The following KCNQ1 variants were observed in gnomAD, a reference collection of about 807,000 sequenced individuals.
KCNQ1 encodes potassium voltage-gated channel subfamily KQT member 1.
A neutral mutation model predicts 72.4 loss-of-function variants in KCNQ1; 49 were observed. The observed-to-expected ratio is 0.68, with a 90% confidence interval of 0.54 to 0.86. The LOEUF (loss-of-function observed/expected upper bound fraction) is 0.86, where lower values mean the gene tolerates loss of function less well. Ranked by LOEUF, KCNQ1 falls within the 40% of genes least tolerant of loss-of-function variation. The pLI is 0.00. For missense variants in KCNQ1, 790 were observed against 945.1 expected (o/e 0.84, Z 2.15); for synonymous variants, 450 against 412.6 (o/e 1.09, Z -1.10).
rs1332846178 is a variant in KCNQ1 at position 2,735,983 on chromosome 11, C to G, written c.1515-32861C>G. On this transcript the variant is annotated intron_variant, in intron 11 of 15. Coordinates refer to ENST00000155840, the MANE Select transcript of KCNQ1 (RefSeq NM_000218.3). This position sits in a 1 kb window ranked among gnomAD's most constrained non-coding sequence, Gnocchi z 7.7. ...ACCCCACGCCCTTCCTCCAGTGTGT[C>G]TGGAGCCCCTTCCCTGTGTACAAAG... is the stretch of plus-strand genomic sequence containing the variant. 6.6e-6 allele frequency among the ~76,000 whole-genome samples: 1 copy of G among 152,204 alleles called. No individual in the cohort carries two copies. The highest frequency in any genetic ancestry group is 1.5e-5 in the Non-Finnish European group (1 of 68,030).
chr11:2,607,539 A>C (rs934180129), intron 10 of KCNQ1, among the ~76,000 whole-genome samples: 1 of 152,138 alleles, frequency 6.6e-6, no homozygotes, highest in Non-Finnish European at 1.5e-5. Context: ...TCATATGAGG[A>C]CACAAGAAGA....
rs185275967 is a variant in KCNQ1 at position 2,663,902 on chromosome 11, T to C, written c.1514+1821T>C. On this transcript the variant is annotated intron_variant, in intron 11 of 15. Coordinates refer to ENST00000155840, the MANE Select transcript of KCNQ1 (RefSeq NM_000218.3). This position sits in a 1 kb window ranked among gnomAD's most constrained non-coding sequence, Gnocchi z 5.2. ...GGGTGACCCCAAGCCAGTGTGGCTGTGTCATCTAGGACACTGGGCTGTTTC... is the reference window on the plus strand; with the variant it reads ...GGGTGACCCCAAGCCAGTGTGGCTGCGTCATCTAGGACACTGGGCTGTTTC... The C allele has an allele frequency of 2.5e-6, 1 of 398,714 alleles. No homozygotes were observed. Among genetic ancestry groups the C allele is most frequent in the Admixed American group, 4.4e-5 (1 of 22,744 alleles). 24.7% of individuals were successfully genotyped at this position (398,714 alleles called of 1,614,324 possible).
Position 2,599,021 on chromosome 11 carries a change from T to C in KCNQ1, c.1393+10167T>C, listed in dbSNP as rs1436423507. Reference sequence around the variant, plus strand: ...TTCTTTCTTTTAGTGTCCTTAATGTTGTATTACTTTCCAATATTCACACTT... The same window carrying C: ...TTCTTTCTTTTAGTGTCCTTAATGTCGTATTACTTTCCAATATTCACACTT... On this transcript the variant is annotated intron_variant, in intron 10 of 15. Coordinates refer to ENST00000155840, the MANE Select transcript of KCNQ1 (RefSeq NM_000218.3). This position sits in a 1 kb window ranked among gnomAD's most constrained non-coding sequence, Gnocchi z 4.7. Among the ~76,000 whole-genome samples, 1 of 152,224 alleles carries C rather than the reference T, an allele frequency of 6.6e-6. No homozygotes were observed.
At chr11:2,548,043 G>T (rs1047745862) in intron 2 of KCNQ1, among the ~76,000 whole-genome samples, 1 of 152,076 alleles carries the variant, frequency 6.6e-6, no homozygotes, top group Non-Finnish European at 1.5e-5. Flanking sequence ...CGACTCTGGG[G>T]AGTTAGGGTT....
Position 2,483,211 on chromosome 11 carries a change from G to A in KCNQ1, c.386+37727G>A, listed in dbSNP as rs1176760001. Among the ~76,000 whole-genome samples, 3 of 152,148 alleles carry A rather than the reference G, an allele frequency of 2.0e-5. No individual in the cohort carries two copies. The highest frequency in any genetic ancestry group is 7.2e-5 in the African/African-American group (3 of 41,428). On this transcript the variant is annotated intron_variant, in intron 1 of 15. Coordinates refer to ENST00000155840, the MANE Select transcript of KCNQ1 (RefSeq NM_000218.3). The surrounding 1 kb of genome is among the most constrained non-coding windows in gnomAD (Gnocchi z 6.1). The stretch of plus-strand genomic sequence containing the variant: ...CAGGGAAGGTGCTGGAGATAGGACG[G>A]GAGGGCCACGAGGGTTAAGATCCTG...
chr11:2,586,354 C>T (rs1848592372), intron 8 of KCNQ1, among the ~76,000 whole-genome samples: 1 of 152,242 alleles, frequency 6.6e-6, no homozygotes, highest in Non-Finnish European at 1.5e-5. Context: ...TGCTCCCACC[C>T]TTAGCCTGGT....
Position 2,659,613 on chromosome 11 carries a change from G to A in KCNQ1, c.1394-2348G>A. On this transcript the variant is annotated intron_variant, in intron 10 of 15. Transcript: ENST00000155840. The surrounding 1 kb of genome is among the most constrained non-coding windows in gnomAD (Gnocchi z 4.3). ...ACATAAAAATTCAATTCACTTGGGT[G>A]GGAAAGGAACCGATAGGTCATGTGG... 1 of 398,464 alleles carries A rather than the reference G, an allele frequency of 2.5e-6. No individual in the cohort carries two copies. The highest frequency in any genetic ancestry group is 1.3e-4 in the South Asian group (1 of 7,844). The allele number at this position is 398,464 out of a possible 1,614,324, so 24.7% of individuals were successfully genotyped here.
intron 15 of KCNQ1, among the ~76,000 whole-genome samples, chr11:2,814,623 C>CAAGGAAGGAAGGAAGGAAGG (rs3079081): frequency 7.0e-6 from 1 of 142,438 alleles, no homozygotes; most frequent in African/African-American, 2.6e-5. Flanking sequence ...TGGAAGGAGA[C>CAAGGAAGGAAGGAAGGAAGG]AAGGAAGGAA....
intron 11 of KCNQ1, among the ~76,000 whole-genome samples, chr11:2,738,197 G>A (rs569198571): frequency 6.6e-6 from 1 of 152,122 alleles, no homozygotes; most frequent in Non-Finnish European, 1.5e-5. Flanking sequence ...CTGGCTCGGT[G>A]GGGGTGGGCT....
At chr11:2,635,650 G>T (rs1357387876) in intron 10 of KCNQ1, 1 of 152,184 alleles carries the variant, frequency 6.6e-6, no homozygotes, top group Admixed American at 6.6e-5. Flanking sequence ...GCTTAGGATT[G>T]TCTTGGCAAT....
In KCNQ1 at chr11:2,682,860, A is replaced by G; in HGVS notation, c.1514+20779A>G. 1 of 398,646 alleles carries G rather than the reference A, an allele frequency of 2.5e-6. No homozygotes were observed. The highest frequency in any genetic ancestry group is 4.4e-5 in the Admixed American group (1 of 22,738). 24.7% of individuals were successfully genotyped at this position (398,646 alleles called of 1,614,324 possible). A position where few individuals can be genotyped will look rare whatever the true frequency, so the allele number is the denominator to read the frequency against. ...AGAGACCATCTCAGTTTTGTAGACC[A>G]GGAAACTGAGGCTTGGGGATAGCAG... is the stretch of plus-strand genomic sequence containing the variant. On this transcript the variant is annotated intron_variant, in intron 11 of 15. Transcript: ENST00000155840. This position sits in a 1 kb window ranked among gnomAD's most constrained non-coding sequence, Gnocchi z 5.8.
Position 2,491,026 on chromosome 11 carries a change from G to T in KCNQ1, c.387-36902G>T, listed in dbSNP as rs906361782. Reference sequence around the variant, plus strand: ...TGGCCCCAAGGCAGTATTTTTATGAGTCTGCAAGAACCACAGTGTTACTGG... The same window carrying T: ...TGGCCCCAAGGCAGTATTTTTATGATTCTGCAAGAACCACAGTGTTACTGG... On this transcript the variant is annotated intron_variant, in intron 1 of 15. Transcript: ENST00000155840. This position sits in a 1 kb window ranked among gnomAD's most constrained non-coding sequence, Gnocchi z 4.1. Among the ~76,000 whole-genome samples, 3 of 152,172 alleles carry T rather than the reference G, an allele frequency of 2.0e-5. No individual in the cohort carries two copies. Among genetic ancestry groups the T allele is most frequent in the African/African-American group, 7.2e-5 (3 of 41,458 alleles).
chr11:2,614,426 G>A (rs1369491832), intron 10 of KCNQ1: 1 of 398,388 alleles, frequency 2.5e-6, no homozygotes, highest in Non-Finnish European at 4.4e-6. Flanking sequence ...ACAATATTGT[G>A]TTTTTTGTGT....
intron 11 of KCNQ1, among the ~76,000 whole-genome samples, chr11:2,754,507 A>T (rs1846270499): frequency 6.6e-6 from 1 of 152,272 alleles, no homozygotes; most frequent in Non-Finnish European, 1.5e-5. Flanking sequence ...AAGATGTTGC[A>T]GTGTAGGCAC....
At chr11:2,792,618 G>C (rs1847050504) in intron 15 of KCNQ1, among the ~76,000 whole-genome samples, 1 of 152,232 alleles carries the variant, frequency 6.6e-6, no homozygotes, top group Non-Finnish European at 1.5e-5. Flanking sequence ...AGAGCGTTCT[G>C]GGCGGAGGGC....
At chr11:2,791,026 G>T (rs1243339387) in intron 15 of KCNQ1, among the ~76,000 whole-genome samples, 1 of 152,186 alleles carries the variant, frequency 6.6e-6, no homozygotes, top group Non-Finnish European at 1.5e-5. Context: ...TGCCTGTGGG[G>T]GACAGTTGCC....
chr11:2,650,159 CT>C, intron 10 of KCNQ1: 1 of 398,366 alleles, frequency 2.5e-6, no homozygotes, highest in East Asian at 3.6e-5. Context: ...ATATCTAACT[CT>C]GCTGGATTTC....
At chr11:2,609,456 A>G (rs1564832357) in intron 10 of KCNQ1, 1 of 398,326 alleles carries the variant, frequency 2.5e-6, no homozygotes, top group Non-Finnish European at 4.4e-6. Context: ...TCCTTCTTGG[A>G]GAATGTCTCA....
intron 2 of KCNQ1, among the ~76,000 whole-genome samples, chr11:2,552,082 T>C (rs1847991211): frequency 6.6e-6 from 1 of 152,198 alleles, no homozygotes; most frequent in South Asian, 2.1e-4. Context: ...AGCAGCAGTT[T>C]TTAATTTTGA....
Sources: allele counts gnomAD v4.1 joint callset (sites outside exome capture counted in the v4.1 genomes callset), GRCh38; gene constraint gnomAD v4.1.1; non-coding constraint Gnocchi (gnomAD v3.1); transcripts MANE v1.5; gene names NCBI Gene and HGNC (gene_info 2026-07-23, HGNC 2026-07-21).